IMMP2L: variants seen among roughly 807,000 people sequenced by gnomAD.
The protein encoded by IMMP2L is mitochondrial inner membrane protease subunit 2.
Under a neutral mutation model 19.3 loss-of-function variants are expected in IMMP2L, and 18 were observed. The observed-to-expected ratio is 0.93, with a 90% confidence interval of 0.64 to 1.38. IMMP2L has a LOEUF of 1.38. IMMP2L is among the 40% of genes most tolerant of loss of function. The pLI, the probability that IMMP2L is intolerant of heterozygous loss-of-function variation, is 0.00. For missense variants in IMMP2L, 233 were observed against 218.2 expected (o/e 1.07, Z -0.43); for synonymous variants, 76 against 73.0 (o/e 1.04, Z -0.21).
chr7:110,943,338 A>T (rs2129553242), intron 4 of IMMP2L, among the ~76,000 whole-genome samples: 1 of 152,116 alleles, frequency 6.6e-6, no homozygotes, highest in South Asian at 2.1e-4. Context: ...CAAGTGCAAA[A>T]CCAATTCATT....
intron 3 of IMMP2L, chr7:111,411,596 T>C: frequency 3.3e-6 from 1 of 305,696 alleles, no homozygotes; most frequent in Admixed American, 3.4e-5. Flanking sequence ...CATCGAGGAC[T>C]TCACTATGGA....
intron 3 of IMMP2L, among the ~76,000 whole-genome samples, chr7:111,259,551 T>A (rs924380196): frequency 1.3e-5 from 2 of 151,912 alleles, no homozygotes; most frequent in Non-Finnish European, 2.9e-5. Flanking sequence ...AGGCAGGGGA[T>A]CTCTTGAGGC....
intron 4 of IMMP2L, 74 bp downstream of exon 4, chr7:110,963,426 A>T (rs2129555575): frequency 9.4e-7 from 1 of 1,069,386 alleles, no homozygotes; most frequent in Admixed American, 2.1e-5. Flanking sequence ...CTTCAGATGT[A>T]TTTCCCAAGT....
intron 3 of IMMP2L, among the ~76,000 whole-genome samples, chr7:111,077,511 A>G (rs1421439396): frequency 2.0e-5 from 3 of 152,130 alleles, no homozygotes; most frequent in East Asian, 3.9e-4. Context: ...AACAGTCTTT[A>G]TAGGTCTGGG....
At chr7:110,667,704 A>G (rs1791557747) in intron 5 of IMMP2L, among the ~76,000 whole-genome samples, 1 of 152,250 alleles carries the variant, frequency 6.6e-6, no homozygotes, top group Admixed American at 6.5e-5. Context: ...GAAGGAATGC[A>G]GCCCTGCTGA....
chr7:111,525,933 C>T (rs1009157430), intron 1 of IMMP2L, among the ~76,000 whole-genome samples: 14 of 152,014 alleles, frequency 9.2e-5, no homozygotes, highest in African/African-American at 3.4e-4. Flanking sequence ...CAGCATGAAG[C>T]AAGGCTGTCT....
intron 3 of IMMP2L, among the ~76,000 whole-genome samples, chr7:111,079,558 C>T (rs969203331): frequency 6.6e-6 from 1 of 152,172 alleles, no homozygotes; most frequent in African/African-American, 2.4e-5. Flanking sequence ...GACAATGTCC[C>T]AAATCGCACA....
intron 5 of IMMP2L, among the ~76,000 whole-genome samples, chr7:110,743,668 C>A (rs1797136375): frequency 1.3e-5 from 2 of 152,192 alleles, no homozygotes; most frequent in African/African-American, 2.4e-5. Context: ...CATCACCTCA[C>A]CCGGGAAGTG....
intron 3 of IMMP2L, among the ~76,000 whole-genome samples, chr7:111,216,504 C>G (rs954406750): frequency 2.6e-5 from 4 of 152,116 alleles, no homozygotes; most frequent in African/African-American, 9.7e-5. Flanking sequence ...GTTAACACAT[C>G]CATCACCTCA....
chr7:110,764,785 G>A (rs6976233), intron 5 of IMMP2L, among the ~76,000 whole-genome samples: 31,485 of 151,934 alleles, frequency 0.21, 3,843 homozygotes, highest in African/African-American at 0.34. Context: ...GTATTTAAGT[G>A]CAGCATCATT....
At chr7:110,850,142 AAAAAAGAGC>A (rs1806054403) in intron 5 of IMMP2L, among the ~76,000 whole-genome samples, 1 of 152,100 alleles carries the variant, frequency 6.6e-6, no homozygotes, top group Non-Finnish European at 1.5e-5. Context: ...AATAAATAAG[AAAAAAGAGC>A]TATATATCAG....
intron 1 of IMMP2L, among the ~76,000 whole-genome samples, chr7:111,547,216 A>T (rs1160471884): frequency 1.3e-5 from 2 of 152,220 alleles, no homozygotes; most frequent in Non-Finnish European, 2.9e-5. Context: ...TTATTTATTC[A>T]ATAAGTGAAT....
At chr7:110,900,525 C>A (rs1267069930) in intron 4 of IMMP2L, among the ~76,000 whole-genome samples, 1 of 152,192 alleles carries the variant, frequency 6.6e-6, no homozygotes, top group Non-Finnish European at 1.5e-5. Flanking sequence ...TAGTCATTCT[C>A]CACACAACAG....
intron 5 of IMMP2L, among the ~76,000 whole-genome samples, chr7:110,726,684 C>G (rs1177230975): frequency 1.3e-5 from 2 of 152,174 alleles, no homozygotes; most frequent in Admixed American, 6.5e-5. Context: ...TCAACAGAAC[C>G]TCTTTAGAAT....
chr7:111,475,897 A>G (rs140405047), intron 3 of IMMP2L, among the ~76,000 whole-genome samples: 1 of 152,208 alleles, frequency 6.6e-6, no homozygotes, highest in Non-Finnish European at 1.5e-5. Flanking sequence ...CAAGTCTCCT[A>G]TCTGTTCCAG....
chr7:111,250,991 C>A (rs1308139188), intron 3 of IMMP2L, among the ~76,000 whole-genome samples: 1 of 152,058 alleles, frequency 6.6e-6, no homozygotes, highest in African/African-American at 2.4e-5. Context: ...GAGAAAATTT[C>A]TGCAATCTAT....
chr7:110,953,239 TAC>T (rs969117312), intron 4 of IMMP2L, among the ~76,000 whole-genome samples: 55 of 152,094 alleles, frequency 3.6e-4, no homozygotes. Flanking sequence ...CATAGGTATA[TAC>T]ATGCCATGGT....
chr7:111,440,942 C>A (rs1038060369), intron 3 of IMMP2L, among the ~76,000 whole-genome samples: 3 of 151,888 alleles, frequency 2.0e-5, no homozygotes, highest in African/African-American at 4.9e-5. Flanking sequence ...AAAGTGGTTT[C>A]TTTCCTTAAG....
intron 3 of IMMP2L, among the ~76,000 whole-genome samples, chr7:111,357,081 A>G (rs1024609754): frequency 2.6e-5 from 4 of 152,160 alleles, no homozygotes; most frequent in Admixed American, 2.6e-4. Flanking sequence ...AGTACTTTAT[A>G]AACTACAAAC....
Sources: gnomAD v4.1 joint callset for allele counts (sites outside exome capture counted in the v4.1 genomes callset) on GRCh38, gnomAD v4.1.1 for gene constraint, MANE v1.5 for transcripts, NCBI Gene and HGNC (gene_info 2026-07-23, HGNC 2026-07-21) for gene names.